Variants in NNMT observed in about 807,000 individuals in gnomAD.
The protein encoded by NNMT is nicotinamide N-methyltransferase.
NNMT carries 10 observed loss-of-function variants against 11.7 expected under a neutral mutation model. The ratio of observed to expected loss-of-function variants is 0.85; its 90% CI spans 0.53 to 1.45. NNMT has a LOEUF of 1.45. NNMT is among the 40% of genes most tolerant of loss of function. The probability of loss-of-function intolerance (pLI) is 0.00; values close to 1 mark genes in which losing one functional copy is unlikely to be tolerated. For missense variants in NNMT, 381 were observed against 319.4 expected (o/e 1.19, Z -1.47); for synonymous variants, 143 against 133.8 (o/e 1.07, Z -0.48).
upstream of NNMT, chr11:114,296,250 G>A (rs1000826081): frequency 8.5e-6 from 2 of 234,574 alleles, no homozygotes; most frequent in Non-Finnish European, 1.7e-5. Context: ...AATCCCTGGC[G>A]GCTGGCCTTC....
At position 114,311,899 on chromosome 11, in the gene NNMT, C is replaced by T. The variant is rs900613012; in HGVS notation, c.363-146C>T. 1.5e-5 allele frequency: 11 copies of T among 732,564 alleles called. No individual in the cohort carries two copies. In the African/African-American group the frequency reaches 1.9e-4, roughly 13 times the overall value. 45.4% of individuals were successfully genotyped at this position (732,564 alleles called of 1,614,324 possible). A position where few individuals can be genotyped will look rare whatever the true frequency, so the allele number is the denominator to read the frequency against. On this transcript the variant is annotated intron_variant, in intron 2 of 2. Coordinates refer to ENST00000299964, the MANE Select transcript of NNMT (RefSeq NM_006169.3). Reference sequence around the variant, plus strand: ...TCATTCAAATGCCAAAATGACCCCTCAGTTCTTCTTTCTCTCCTTTCCCGA... The same window carrying T: ...TCATTCAAATGCCAAAATGACCCCTTAGTTCTTCTTTCTCTCCTTTCCCGA...
chr11:114,271,620 CTCATCATG>C (rs1945170955), intron 2 of NNMT, among the ~76,000 whole-genome samples: 1 of 152,174 alleles, frequency 6.6e-6, no homozygotes, highest in Non-Finnish European at 1.5e-5. Flanking sequence ...CTCCTCGTTT[CTCATCATG>C]TCATCCTCTT....
At chr11:114,302,778 G>C (rs1264394497) in intron 2 of NNMT, among the ~76,000 whole-genome samples, 3 of 152,114 alleles carry the variant, frequency 2.0e-5, no homozygotes, top group Non-Finnish European at 4.4e-5. Context: ...ACCCCCTTAT[G>C]ATGGTATTAA....
At chr11:114,271,878 G>A (rs1031417704) in intron 2 of NNMT, among the ~76,000 whole-genome samples, 1 of 152,138 alleles carries the variant, frequency 6.6e-6, no homozygotes, top group African/African-American at 2.4e-5. Flanking sequence ...AGAGAGTGCA[G>A]TACAGTGGAG....
rs1945554851 is a variant in NNMT at position 114,312,104 on chromosome 11, GT to G, written c.423del (p.Cys141TrpfsTer3). On this transcript the variant is annotated frameshift_variant, in exon 3 of 3. Coordinates refer to ENST00000299964, the MANE Select transcript of NNMT (RefSeq NM_006169.3). LOFTEE classifies it low-confidence loss of function (END_TRUNC). ...LRQAVKQVLK[C>X]DVTQSQPLGA... ...CAGGCGGTCAAGCAGGTGCTGAAGT[GT>G]GATGTGACTCAGAGCCAGCCACTGG... 1 of 1,611,568 alleles carries G rather than the reference GT, an allele frequency of 6.2e-7. No individual in the cohort carries two copies. Among genetic ancestry groups the G allele is most frequent in the Admixed American group, 1.7e-5 (1 of 59,860 alleles).
chr11:114,279,690 G>A (rs187138287), intron 2 of NNMT, among the ~76,000 whole-genome samples: 14 of 152,322 alleles, frequency 9.2e-5, no homozygotes, highest in East Asian at 3.9e-4. Flanking sequence ...TAGCTCAGGC[G>A]TGGCTCTAGG....
At chr11:114,294,002 A>G (rs1183196324), upstream of NNMT, among the ~76,000 whole-genome samples, 2 of 152,184 alleles carry the variant, frequency 1.3e-5, no homozygotes, top group African/African-American at 4.8e-5. Flanking sequence ...ATGGAACTGG[A>G]GGTCATAATG....
At chr11:114,288,234 T>C (rs1565723590) in intron 2 of NNMT, among the ~76,000 whole-genome samples, 3 of 152,196 alleles carry the variant, frequency 2.0e-5, no homozygotes, top group Admixed American at 1.3e-4. Flanking sequence ...CCTGCCGTAC[T>C]GTCCAGGATG....
chr11:114,261,525 G>A (rs1031136315), intron 1 of NNMT, among the ~76,000 whole-genome samples: 12 of 152,148 alleles, frequency 7.9e-5, no homozygotes, highest in Non-Finnish European at 1.6e-4. Context: ...TGGAGGTTGC[G>A]GTGAGCCGAG....
intron 2 of NNMT, among the ~76,000 whole-genome samples, chr11:114,299,834 G>A (rs1419882783): frequency 1.3e-5 from 2 of 149,024 alleles, no homozygotes; most frequent in Admixed American, 6.7e-5. Flanking sequence ...ACCTTATTAT[G>A]TCTGTAGGAT....
At chr11:114,284,663 C>T (rs528761462) in intron 2 of NNMT, among the ~76,000 whole-genome samples, 5 of 150,976 alleles carry the variant, frequency 3.3e-5, no homozygotes, top group Admixed American at 1.3e-4. Context: ...GGGGTTTCAC[C>T]GTGTTAGCCA....
intron 2 of NNMT, among the ~76,000 whole-genome samples, chr11:114,308,963 T>C (rs552418207): frequency 6.6e-6 from 1 of 152,302 alleles, no homozygotes; most frequent in South Asian, 2.1e-4. Context: ...TGCATCATCA[T>C]CTGACTGGTA....
chr11:114,263,410 C>G (rs75804552), intron 2 of NNMT, among the ~76,000 whole-genome samples: 2,137 of 152,334 alleles, frequency 0.014, 58 homozygotes, highest in African/African-American at 0.049. Context: ...TCTGGGCAAG[C>G]TTATCTGACT....
At position 114,312,474 on chromosome 11, in the gene NNMT, G is replaced by C; in HGVS notation, c.792G>C (p.Leu264=). 1 of 1,611,474 alleles carries C rather than the reference G, an allele frequency of 6.2e-7. No homozygotes were observed. Among genetic ancestry groups the C allele is most frequent in the Non-Finnish European group, 8.5e-7 (1 of 1,178,446 alleles). Residue 264 remains leucine (L), a synonymous_variant, in exon 3 of 3, where the codon CTG becomes CTC. Transcript: ENST00000299964. ...SLVARKLSRP[L] ...TGGCGAGGAAGCTGAGCAGACCCCT[G>C]TGATGCCTGTGACCTCAATTAAAGC...
chr11:114,291,288 T>C (rs974899383), intron 2 of NNMT, among the ~76,000 whole-genome samples: 5 of 152,302 alleles, frequency 3.3e-5, no homozygotes, highest in African/African-American at 1.2e-4. Flanking sequence ...CTTTCTCTTT[T>C]ATTTTTTCCA....
At chr11:114,268,173 C>A (rs1172158097) in intron 2 of NNMT, among the ~76,000 whole-genome samples, 1 of 152,088 alleles carries the variant, frequency 6.6e-6, no homozygotes. Context: ...GTGGCGACAT[C>A]GCTGACCTTT....
intron 1 of NNMT, among the ~76,000 whole-genome samples, 192 bp downstream of exon 1, chr11:114,296,902 T>A (rs1945386385): frequency 6.6e-6 from 1 of 152,190 alleles, no homozygotes; most frequent in Admixed American, 6.5e-5. Context: ...ATCCACTGTC[T>A]CACTTGATCA....
intron 2 of NNMT, among the ~76,000 whole-genome samples, chr11:114,280,429 G>A (rs1034233338): frequency 1.3e-5 from 2 of 152,148 alleles, no homozygotes; most frequent in South Asian, 4.1e-4. Context: ...CTCTCCAAAG[G>A]TGGAGCAGAG....
upstream of NNMT, among the ~76,000 whole-genome samples, chr11:114,294,220 C>T (rs180740827): frequency 3.3e-4 from 50 of 152,160 alleles, 1 homozygote; most frequent in Admixed American, 2.6e-3. Flanking sequence ...CAGTGGCTCA[C>T]GCCTGTAATC....
Sources: allele counts gnomAD v4.1 joint callset (sites outside exome capture counted in the v4.1 genomes callset), GRCh38; gene constraint gnomAD v4.1.1; transcripts MANE v1.5; gene names NCBI Gene and HGNC (gene_info 2026-07-23, HGNC 2026-07-21).